Variants in ZNF469 observed in about 807,000 individuals in gnomAD.
ZNF469 encodes zinc finger protein 469.
In ZNF469, 1 loss-of-function variant was observed where a neutral mutation model predicts 1.0. The observed-to-expected ratio is 1.00, with a 90% CI of 0.35 to 4.73. ZNF469 has a LOEUF of 4.73. Ranked by LOEUF, ZNF469 falls within the 30% of genes most tolerant of loss-of-function variation. The pLI, the probability that ZNF469 is intolerant of heterozygous loss-of-function variation, is 0.16. For missense variants in ZNF469, 6,100 were observed against 5,356.3 expected, an observed-to-expected ratio of 1.14 and a Z score of -4.33; for synonymous variants, 2,703 against 2,363.4, an observed-to-expected ratio of 1.14 and a Z score of -4.17.
chr16:88,236,096 A>G, the ZNF469 span, among the ~76,000 whole-genome samples: 2 of 152,248 alleles, frequency 1.3e-5, no homozygotes, highest in East Asian at 3.8e-4. Flanking sequence ...ATTCTGTAGA[A>G]GAAATCTCAT....
the ZNF469 span, among the ~76,000 whole-genome samples, chr16:88,341,605 A>G: frequency 0.31 from 47,199 of 152,130 alleles, 8,404 homozygotes; most frequent in African/African-American, 0.5. Flanking sequence ...CACGGCTCAC[A>G]GCTGGGACGG....
At chr16:88,335,343 C>T in the ZNF469 span, among the ~76,000 whole-genome samples, 3 of 152,364 alleles carry the variant, frequency 2.0e-5, no homozygotes, top group African/African-American at 7.2e-5. Flanking sequence ...GCTGGATGCA[C>T]TTCCGCTCCA....
chr16:88,412,916 G>GCAGCCA (rs1347519462), intron 1 of ZNF469, among the ~76,000 whole-genome samples: 1 of 152,098 alleles, frequency 6.6e-6, no homozygotes, highest in Non-Finnish European at 1.5e-5. Flanking sequence ...CCGTGTCCTG[G>GCAGCCA]CAGCCACAGC....
the ZNF469 span, among the ~76,000 whole-genome samples, chr16:88,193,151 G>GGT: frequency 5.9e-4 from 8 of 13,480 alleles, no homozygotes; most frequent in African/African-American, 6.5e-4. Context: ...ATGGTGGTGG[G>GGT]GATGGTGGTG....
At chr16:88,299,003 G>A in the ZNF469 span, among the ~76,000 whole-genome samples, 1 of 152,148 alleles carries the variant, frequency 6.6e-6, no homozygotes, top group African/African-American at 2.4e-5. Context: ...GCCTGAGCCT[G>A]TCACCCTGCA....
the ZNF469 span, among the ~76,000 whole-genome samples, chr16:88,101,544 CT>C: frequency 0.22 from 31,763 of 143,952 alleles, 4,028 homozygotes; most frequent in Non-Finnish European, 0.28. Context: ...TCTCATTACG[CT>C]TTTTTTTTTT....
chr16:88,378,271 T>A (rs59244060), upstream of ZNF469, among the ~76,000 whole-genome samples: 7,278 of 152,222 alleles, frequency 0.048, 233 homozygotes, highest in Admixed American at 0.12. Flanking sequence ...GCCGGGCCTG[T>A]TTGTGCCCTT....
At chr16:88,208,025 CA>C in the ZNF469 span, among the ~76,000 whole-genome samples, 1 of 152,176 alleles carries the variant, frequency 6.6e-6, no homozygotes, top group South Asian at 2.1e-4. Context: ...TGTTAAATTT[CA>C]TGACGACTGA....
the ZNF469 span, among the ~76,000 whole-genome samples, chr16:88,224,985 C>A: frequency 2.1e-4 from 32 of 152,310 alleles, 1 homozygote; most frequent in East Asian, 1.4e-3. Context: ...CAACGCTAAT[C>A]CTAACCCTAA....
chr16:88,395,281 GGA>G (rs755711784), intron 1 of ZNF469, among the ~76,000 whole-genome samples: 16 of 98,642 alleles, frequency 1.6e-4, no homozygotes, highest in Non-Finnish European at 3.5e-4. Context: ...ATGGATGGAT[GGA>G]TGGGTGGATG....
chr16:88,439,336 C>G lies in ZNF469; in HGVS notation c.*4C>G. ...AAAGAAAGATGCTTCCGAGTAATTT[C>G]TAGGAGCAAGAGCCTGGGACCGGAG... is the stretch of plus-strand genomic sequence containing the variant. On this transcript the variant is annotated 3_prime_UTR_variant, in exon 3 of 3. Coordinates refer to ENST00000565624, the MANE Select transcript of ZNF469 (RefSeq NM_001367624.2). The G allele has an allele frequency of 6.5e-7, 1 of 1,550,242 alleles. No individual in the cohort carries two copies. Among genetic ancestry groups the G allele is most frequent in the Non-Finnish European group, 8.7e-7 (1 of 1,146,964 alleles).
chr16:88,221,432 C>A, the ZNF469 span, among the ~76,000 whole-genome samples: 3 of 152,208 alleles, frequency 2.0e-5, no homozygotes, highest in African/African-American at 7.2e-5. Flanking sequence ...CACATGCAGG[C>A]AGCTCCCCGA....
chr16:88,254,839 CA>C, the ZNF469 span, among the ~76,000 whole-genome samples: 120 of 143,112 alleles, frequency 8.4e-4, no homozygotes, highest in Middle Eastern at 3.5e-3. Flanking sequence ...TCGACTTCCA[CA>C]AAAAAAAAAA....
chr16:88,146,774 G>A, the ZNF469 span, among the ~76,000 whole-genome samples: 6 of 152,070 alleles, frequency 3.9e-5, no homozygotes, highest in Admixed American at 3.9e-4. Flanking sequence ...CTGTCTGAAG[G>A]GCCTGCGGGA....
chr16:88,409,509 G>A (rs1905089253), intron 1 of ZNF469, among the ~76,000 whole-genome samples: 3 of 152,188 alleles, frequency 2.0e-5, no homozygotes, highest in Admixed American at 2.0e-4. Context: ...CGTGCTCAGG[G>A]CAGCAGCCGG....
the ZNF469 span, among the ~76,000 whole-genome samples, chr16:88,211,067 G>A: frequency 2.0e-5 from 3 of 152,234 alleles, no homozygotes; most frequent in African/African-American, 7.2e-5. Context: ...CAGTCTACTT[G>A]TATGTGTCTC....
chr16:88,221,187 A>G, the ZNF469 span, among the ~76,000 whole-genome samples: 998 of 152,306 alleles, frequency 6.6e-3, 6 homozygotes, highest in African/African-American at 0.023. Flanking sequence ...CTCACACCAG[A>G]GAGATGAGGG....
the ZNF469 span, among the ~76,000 whole-genome samples, chr16:88,230,344 C>T: frequency 2.0e-5 from 3 of 152,192 alleles, no homozygotes; most frequent in Non-Finnish European, 2.9e-5. Context: ...TGGGCCTGGG[C>T]CCCCAGAGGC....
At chr16:88,185,959 A>T in the ZNF469 span, among the ~76,000 whole-genome samples, 4 of 150,430 alleles carry the variant, frequency 2.7e-5, no homozygotes, top group African/African-American at 4.9e-5. Context: ...GCACACACAC[A>T]CGCATACACA....
Sources: allele counts gnomAD v4.1 joint callset (sites outside exome capture counted in the v4.1 genomes callset), GRCh38; gene constraint gnomAD v4.1.1; transcripts MANE v1.5; gene names NCBI Gene and HGNC (gene_info 2026-07-23, HGNC 2026-07-21).